Variants in RABGAP1L observed in about 807,000 individuals in gnomAD.
The protein encoded by RABGAP1L is rab GTPase-activating protein 1-like.
A neutral mutation model predicts 137.7 loss-of-function variants in RABGAP1L; 63 were observed. The observed-to-expected ratio is 0.46, with a 90% CI of 0.37 to 0.56. The LOEUF (loss-of-function observed/expected upper bound fraction) is 0.56. Ranked by LOEUF, RABGAP1L falls within the 20% of genes least tolerant of loss-of-function variation. The pLI is 0.00. For missense variants in RABGAP1L, 1,095 were observed against 1,244.0 expected (o/e 0.88, Z 1.80); for synonymous variants, 431 against 433.7 (o/e 0.99, Z 0.08).
chr1:174,829,471 C>T (rs1401516572), intron 19 of RABGAP1L, among the ~76,000 whole-genome samples: 1 of 148,406 alleles, frequency 6.7e-6, no homozygotes, highest in Non-Finnish European at 1.5e-5. Context: ...AGAAGGTCAT[C>T]ATTCTTCCTT....
intron 12 of RABGAP1L, among the ~76,000 whole-genome samples, chr1:174,377,681 A>C (rs1685669818): frequency 6.6e-6 from 1 of 152,166 alleles, no homozygotes; most frequent in African/African-American, 2.4e-5. Flanking sequence ...CTACGATGTC[A>C]ATCATTACAA....
At position 174,757,414 on chromosome 1, in the gene RABGAP1L, C is replaced by A. The variant is rs528043252; in HGVS notation, c.2211+5060C>A. On this transcript the variant is annotated intron_variant, in intron 18 of 25. Transcript: ENST00000681986. ...AAATTTTAATTTTGGATACATATTA[C>A]AAAATTCTTCTCTGCTAGCAATGTG... 1.3e-3 allele frequency among the ~76,000 whole-genome samples: 191 copies of A among 151,924 alleles called. 1 individual carries two copies. The highest frequency in any genetic ancestry group is 4.3e-3 in the African/African-American group (179 of 41,466).
At chr1:174,441,304 A>T (rs1654117473) in intron 13 of RABGAP1L, among the ~76,000 whole-genome samples, 1 of 152,158 alleles carries the variant, frequency 6.6e-6, no homozygotes, top group Admixed American at 6.5e-5. Context: ...TGCCTAATTT[A>T]AAAACAAAGA....
chr1:174,194,015 T>TAA (rs1205793373), intron 1 of RABGAP1L, among the ~76,000 whole-genome samples: 152 of 152,220 alleles, frequency 1.0e-3, no homozygotes, highest in African/African-American at 3.4e-3. Context: ...GAGACCAAGT[T>TAA]ACGTGTTCAG....
intron 13 of RABGAP1L, among the ~76,000 whole-genome samples, chr1:174,535,209 T>G (rs1370011281): frequency 2.0e-5 from 3 of 152,202 alleles, no homozygotes; most frequent in African/African-American, 7.2e-5. Flanking sequence ...AAAATTGAAC[T>G]GTGGGAAATA....
At chr1:174,780,120 T>TA (rs1558070794) in intron 18 of RABGAP1L, among the ~76,000 whole-genome samples, 51 of 140,500 alleles carry the variant, frequency 3.6e-4, no homozygotes, top group African/African-American at 9.9e-4. Flanking sequence ...ATAAATAAAT[T>TA]AAATAAGCCC....
intron 13 of RABGAP1L, among the ~76,000 whole-genome samples, chr1:174,517,889 T>C (rs1663009848): frequency 6.6e-6 from 1 of 152,230 alleles, no homozygotes; most frequent in Admixed American, 6.5e-5. Context: ...CATTTGGCAG[T>C]TAAGCATATT....
intron 11 of RABGAP1L, among the ~76,000 whole-genome samples, chr1:174,310,024 CTGA>C: frequency 7.4e-6 from 1 of 134,968 alleles, no homozygotes; most frequent in African/African-American, 3.9e-5. Context: ...CTGTTTATTA[CTGA>C]TCCAGTGTTA....
chr1:174,815,976 C>T (rs1690352579), intron 19 of RABGAP1L, among the ~76,000 whole-genome samples: 1 of 151,996 alleles, frequency 6.6e-6, no homozygotes, highest in Non-Finnish European at 1.5e-5. Context: ...CCCAGGGAGT[C>T]AGTTTTTATT....
At chr1:174,852,401 G>A (rs950065461) in intron 19 of RABGAP1L, among the ~76,000 whole-genome samples, 2 of 152,218 alleles carry the variant, frequency 1.3e-5, no homozygotes, top group African/African-American at 2.4e-5. Context: ...TTGCCAGTAA[G>A]TTACATGGTC....
intron 11 of RABGAP1L, among the ~76,000 whole-genome samples, chr1:174,362,054 G>A (rs887916318): frequency 3.3e-5 from 5 of 152,218 alleles, no homozygotes; most frequent in South Asian, 4.1e-4. Flanking sequence ...CTGTTCCTGC[G>A]TTAGTTTGCT....
At chr1:174,441,502 A>AG (rs1010743865) in intron 13 of RABGAP1L, among the ~76,000 whole-genome samples, 6 of 152,124 alleles carry the variant, frequency 3.9e-5, no homozygotes, top group Non-Finnish European at 5.9e-5. Context: ...TGGGAGGCTG[A>AG]GGGGGGTGGA....
chr1:174,541,558 C>T lies in RABGAP1L; in HGVS notation c.1711-95817C>T, dbSNP rs190992486. 1.4e-3 allele frequency among the ~76,000 whole-genome samples: 215 copies of T among 152,242 alleles called. 2 individuals carry two copies. The highest frequency in any genetic ancestry group is 2.4e-3 in the Non-Finnish European group (165 of 67,998). On this transcript the variant is annotated intron_variant, in intron 13 of 25. Coordinates refer to ENST00000681986, the MANE Select transcript of RABGAP1L (RefSeq NM_001366446.1). The stretch of plus-strand genomic sequence containing the variant: ...TTTGGAGGCCAAGGCAGGCATATCA[C>T]GAGGTCAGGAGATCGAGACCATCCT...
At chr1:174,549,080 A>G (rs535072065) in intron 13 of RABGAP1L, among the ~76,000 whole-genome samples, 2 of 152,280 alleles carry the variant, frequency 1.3e-5, no homozygotes, top group East Asian at 1.9e-4. Context: ...TGCAAAGTGG[A>G]TACTGAAAAC....
At chr1:174,906,533 C>G (rs1344803343) in intron 19 of RABGAP1L, among the ~76,000 whole-genome samples, 1 of 151,946 alleles carries the variant, frequency 6.6e-6, no homozygotes, top group African/African-American at 2.4e-5. Flanking sequence ...GAGGGTGAGG[C>G]AGGAAAATTG....
At chr1:174,689,107 G>A (rs1678684408) in intron 15 of RABGAP1L, among the ~76,000 whole-genome samples, 1 of 151,900 alleles carries the variant, frequency 6.6e-6, no homozygotes, top group African/African-American at 2.4e-5. Context: ...TTATAATCAA[G>A]TATTAATTAA....
chr1:174,385,943 A>T (rs1370965293), intron 12 of RABGAP1L, among the ~76,000 whole-genome samples: 1 of 152,200 alleles, frequency 6.6e-6, no homozygotes, highest in African/African-American at 2.4e-5. Context: ...TAGTAAGTGG[A>T]TGTGGGTTGA....
At position 174,978,849 on chromosome 1, in the gene RABGAP1L, G is replaced by C; in HGVS notation, c.2692G>C (p.Glu898Gln). The C allele has an allele frequency of 1.3e-6, 2 of 1,545,450 alleles. No homozygotes were observed. The highest frequency in any genetic ancestry group is 1.7e-6 in the Non-Finnish European group (2 of 1,145,170). ...FRKQLEKAEY[E>Q]IKKTTAIIAE... is the part of the protein sequence containing the mutation. ...GAAACAGCTAGAGAAGGCAGAATAT[G>C]AAATAAAGAAGACTACAGCTATCAT... The change falls in exon 23 of 26, where the codon GAA becomes CAA. Residue 898 changes from glutamate (E) to glutamine (Q), a missense_variant. This residue lies in a region of RABGAP1L where 312 missense variants were observed against 435.6 expected (regional missense o/e 0.72). Coordinates refer to ENST00000681986, the MANE Select transcript of RABGAP1L (RefSeq NM_001366446.1).
chr1:174,175,996 T>C lies in RABGAP1L; in HGVS notation c.-34+16339T>C, dbSNP rs1388300348. On this transcript the variant is annotated intron_variant, in intron 1 of 25. Transcript: ENST00000681986. Reference sequence around the variant, plus strand: ...CGAGAAGACAGCATTGTTTTAGATTTTGCAAACCTGTGTAATGTCTGGCTT... The same window carrying C: ...CGAGAAGACAGCATTGTTTTAGATTCTGCAAACCTGTGTAATGTCTGGCTT... Among the ~76,000 whole-genome samples the C allele has an allele frequency of 2.0e-5, 3 of 152,162 alleles. No individual in the cohort carries two copies. The East Asian group carries it at 5.8e-4, about 29-fold the overall frequency.
Sources: gnomAD v4.1 joint callset for allele counts (sites outside exome capture counted in the v4.1 genomes callset) on GRCh38, gnomAD v4.1.1 for gene constraint, gnomAD v4.1.1 regional missense constraint, MANE v1.5 for transcripts, NCBI Gene and HGNC (gene_info 2026-07-23, HGNC 2026-07-21) for gene names.